SLC44A3: variants seen among roughly 807,000 people sequenced by gnomAD.
The protein encoded by SLC44A3 is choline transporter-like protein 3.
A neutral mutation model predicts 75.4 loss-of-function variants in SLC44A3; 74 were observed. The observed-to-expected ratio is 0.98, with a 90% CI of 0.81 to 1.19. The LOEUF is 1.19. Ranked by LOEUF, SLC44A3 falls within the 50% of genes most tolerant of loss-of-function variation. The pLI is 0.00. For synonymous variants in SLC44A3, 310 were observed against 296.9 expected (o/e 1.04, Z -0.45); for missense variants, 700 against 778.6 (o/e 0.90, Z 1.20).
intron 9 of SLC44A3, among the ~76,000 whole-genome samples, chr1:94,846,346 C>T (rs1358732950): frequency 2.0e-5 from 3 of 152,110 alleles, no homozygotes. Context: ...TGGGTGCCAG[C>T]CTCAGAGATT....
chr1:94,881,682 C>A (rs1433341587), intron 12 of SLC44A3, among the ~76,000 whole-genome samples: 2 of 145,048 alleles, frequency 1.4e-5, no homozygotes, highest in Non-Finnish European at 3.0e-5. Context: ...GAAGCCTGGG[C>A]AACAGAGCAA....
chr1:94,881,652 T>C (rs538320010), intron 12 of SLC44A3, among the ~76,000 whole-genome samples: 1 of 149,790 alleles, frequency 6.7e-6, no homozygotes, highest in African/African-American at 2.5e-5. Context: ...TGCAGTGAGC[T>C]GAGATCATGC....
At chr1:94,865,532 G>C (rs1201612007) in intron 11 of SLC44A3, among the ~76,000 whole-genome samples, 4 of 152,164 alleles carry the variant, frequency 2.6e-5, no homozygotes, top group Non-Finnish European at 4.4e-5. Context: ...TTTGTGCCTG[G>C]GGGATTTCTC....
chr1:94,841,760 T>C (rs1369742297), intron 7 of SLC44A3, among the ~76,000 whole-genome samples: 1 of 152,214 alleles, frequency 6.6e-6, no homozygotes, highest in Middle Eastern at 3.2e-3. Context: ...GTCACCATCC[T>C]GGGTCTCCCA....
chr1:94,842,832 T>C (rs1296716321), intron 8 of SLC44A3, among the ~76,000 whole-genome samples: 1 of 152,248 alleles, frequency 6.6e-6, no homozygotes, highest in Non-Finnish European at 1.5e-5. Flanking sequence ...GCCCATTGAA[T>C]CTTGCAGCAA....
chr1:94,842,145 A>T, intron 8 of SLC44A3, 21 bp downstream of exon 8: 1 of 1,586,312 alleles, frequency 6.3e-7, no homozygotes, highest in Non-Finnish European at 8.6e-7. Context: ...CTCTTCTAGC[A>T]GTAGGTCAGG....
At chr1:94,821,510 T>C (rs998131662) in intron 2 of SLC44A3, among the ~76,000 whole-genome samples, 2 of 152,214 alleles carry the variant, frequency 1.3e-5, no homozygotes, top group Non-Finnish European at 2.9e-5. Context: ...AGATATGTTG[T>C]GTTTAGCAGC....
intron 9 of SLC44A3, among the ~76,000 whole-genome samples, chr1:94,856,762 G>T (rs1018956206): frequency 2.6e-5 from 4 of 151,836 alleles, no homozygotes; most frequent in African/African-American, 9.7e-5. Flanking sequence ...CTGGAATCTT[G>T]CTCTGTCACC....
rs770610611 is a variant in SLC44A3 at position 94,845,262 on chromosome 1, A to G, written c.886-16A>G. 1.6e-5 allele frequency: 25 copies of G among 1,580,752 alleles called. No homozygotes were observed. Among genetic ancestry groups the G allele is most frequent in the Non-Finnish European group, 2.1e-5 (24 of 1,164,218 alleles). On this transcript the variant is annotated splice_polypyrimidine_tract_variant and intron_variant, in intron 8 of 14. Coordinates refer to ENST00000271227, the MANE Select transcript of SLC44A3 (RefSeq NM_001114106.3). Reference sequence around the variant, plus strand: ...CATTATTTGGAAGTAATTTACTCAAATCCCTTTCTCACCAGGCAGTGCTGC... The same window carrying G: ...CATTATTTGGAAGTAATTTACTCAAGTCCCTTTCTCACCAGGCAGTGCTGC...
chr1:94,887,065 C>T (rs1669667374), intron 12 of SLC44A3, among the ~76,000 whole-genome samples: 1 of 151,972 alleles, frequency 6.6e-6, no homozygotes, highest in African/African-American at 2.4e-5. Flanking sequence ...ACTTCCACAA[C>T]CAATAAAACG....
At chr1:94,886,589 C>T (rs1669616616) in intron 12 of SLC44A3, among the ~76,000 whole-genome samples, 1 of 152,070 alleles carries the variant, frequency 6.6e-6, no homozygotes, top group African/African-American at 2.4e-5. Flanking sequence ...CCTGATCCCT[C>T]CTGCTGGGCC....
chr1:94,842,631 A>G (rs912481664), intron 8 of SLC44A3, among the ~76,000 whole-genome samples: 2 of 152,256 alleles, frequency 1.3e-5, no homozygotes, highest in Admixed American at 1.3e-4. Flanking sequence ...GGGAGCAGGT[A>G]TTAGTTACTG....
At chr1:94,870,186 G>A (rs1667599889) in intron 12 of SLC44A3, among the ~76,000 whole-genome samples, 1 of 152,170 alleles carries the variant, frequency 6.6e-6, no homozygotes, top group Admixed American at 6.5e-5. Flanking sequence ...TGTGCATACT[G>A]AAAAAATTAC....
In SLC44A3 at chr1:94,828,485, G is replaced by T; in HGVS notation, c.416-8G>T. ...AGAAGGTATAATGTCTGTGTGTTCTGCTTCCAGGGTCCTTCCTGTGTGTTT... is the reference window on the plus strand; with the variant it reads ...AGAAGGTATAATGTCTGTGTGTTCTTCTTCCAGGGTCCTTCCTGTGTGTTT... On this transcript the variant is annotated splice_region_variant and splice_polypyrimidine_tract_variant and intron_variant, in intron 4 of 14. Coordinates refer to ENST00000271227, the MANE Select transcript of SLC44A3 (RefSeq NM_001114106.3). 1.2e-6 allele frequency: 2 copies of T among 1,611,854 alleles called. No individual in the cohort carries two copies. Among genetic ancestry groups the T allele is most frequent in the South Asian group, 1.1e-5 (1 of 90,688 alleles).
intron 9 of SLC44A3, 57 bp downstream of exon 9, chr1:94,845,521 T>C (rs937300326): frequency 6.6e-7 from 1 of 1,504,440 alleles, no homozygotes; most frequent in African/African-American, 1.4e-5. Context: ...GAAGACCATT[T>C]TGGAACCACT....
intron 7 of SLC44A3, 81 bp downstream of exon 7, chr1:94,840,118 A>G (rs751599984): frequency 3.2e-6 from 4 of 1,246,488 alleles, no homozygotes; most frequent in Non-Finnish European, 4.7e-6. Context: ...AAAAGTTGGC[A>G]TTTTTAAGCT....
chr1:94,858,753 A>G lies in SLC44A3; in HGVS notation c.1238+1253A>G, dbSNP rs536778959. On this transcript the variant is annotated intron_variant, in intron 10 of 14. Coordinates refer to ENST00000271227, the MANE Select transcript of SLC44A3 (RefSeq NM_001114106.3). ...GTCGCCCAGGCTGGAGTGTAGCGGC[A>G]CGATCTTGGCTCACTGCAACCTCTG... Among the ~76,000 whole-genome samples the G allele has an allele frequency of 6.6e-5, 10 of 152,144 alleles. No individual in the cohort carries two copies. The South Asian group carries it at 2.1e-3, about 32-fold the overall frequency.
At chr1:94,829,300 G>A (rs963960934) in intron 5 of SLC44A3, among the ~76,000 whole-genome samples, 6 of 136,794 alleles carry the variant, frequency 4.4e-5, no homozygotes, top group African/African-American at 8.1e-5. Context: ...AAAGAAAATC[G>A]TTTACTTTTG....
chr1:94,821,383 C>T (rs768354006), intron 2 of SLC44A3, among the ~76,000 whole-genome samples: 3 of 152,124 alleles, frequency 2.0e-5, no homozygotes, highest in Non-Finnish European at 4.4e-5. Flanking sequence ...CCTGCCACAC[C>T]CCCAAATCAA....
Sources: gnomAD v4.1 joint callset for allele counts (sites outside exome capture counted in the v4.1 genomes callset) on GRCh38, gnomAD v4.1.1 for gene constraint, MANE v1.5 for transcripts, NCBI Gene and HGNC (gene_info 2026-07-23, HGNC 2026-07-21) for gene names.